GALNT17: variants seen among roughly 807,000 people sequenced by gnomAD.
The protein encoded by GALNT17 is UDP-GalNAc:polypeptide N-acetylgalactosaminyltransferase-like 3.
In GALNT17, 29 loss-of-function variants were observed where a neutral mutation model predicts 63.7. The observed-to-expected ratio is 0.46, with a 90% CI of 0.34 to 0.62. The LOEUF (loss-of-function observed/expected upper bound fraction) is 0.62, where lower values mean the gene tolerates loss of function less well. GALNT17 is among the 20% of genes least tolerant of loss of function. The pLI is 0.01. For missense variants in GALNT17, 603 were observed against 799.6 expected (o/e 0.75, Z 2.97); for synonymous variants, 305 against 318.3 (o/e 0.96, Z 0.45).
chr7:71,553,715 T>G (rs1174414872), intron 5 of GALNT17, among the ~76,000 whole-genome samples: 1 of 152,228 alleles, frequency 6.6e-6, no homozygotes, highest in East Asian at 1.9e-4. Context: ...TCTCCAGCCC[T>G]CGTGTTCACT....
Position 71,377,107 on chromosome 7 carries a change from T to TAAA in GALNT17, c.423-11122_423-11120dup, listed in dbSNP as rs1237223835. Reference sequence around the variant, plus strand: ...TCTCAAAAAAAAAAAAAAATAAAAATAAAAAAAATATATATATATATATAT... The same window carrying TAAA: ...TCTCAAAAAAAAAAAAAAATAAAAATAAAAAAAAAAATATATATATATATATAT... On this transcript the variant is annotated intron_variant, in intron 2 of 10. Transcript: ENST00000333538. 1.7e-4 allele frequency among the ~76,000 whole-genome samples: 10 copies of TAAA among 57,750 alleles called. 2 individuals are homozygous for TAAA. Among genetic ancestry groups the TAAA allele is most frequent in the South Asian group, 1.2e-3 (2 of 1,640 alleles). The allele number at this position is 57,750 out of a possible 152,430, so 37.9% of individuals were successfully genotyped here.
intron 6 of GALNT17, among the ~76,000 whole-genome samples, chr7:71,614,317 A>C (rs1790166493): frequency 6.6e-6 from 1 of 151,558 alleles, no homozygotes; most frequent in Non-Finnish European, 1.5e-5. Flanking sequence ...TGCTCTTTGG[A>C]ACATTTTGGA....
At chr7:71,264,085 C>T (rs1483456642) in intron 1 of GALNT17, among the ~76,000 whole-genome samples, 3 of 152,148 alleles carry the variant, frequency 2.0e-5, no homozygotes, top group African/African-American at 4.8e-5. Context: ...CTGGAGGTGG[C>T]TCTCAGCAGG....
intron 3 of GALNT17, among the ~76,000 whole-genome samples, chr7:71,404,138 G>A (rs1015265491): frequency 3.3e-5 from 5 of 152,146 alleles, no homozygotes; most frequent in Admixed American, 3.3e-4. Flanking sequence ...TTTCCTTGTA[G>A]GTTTGGGCTA....
At chr7:71,357,459 C>G (rs1232817509) in intron 2 of GALNT17, among the ~76,000 whole-genome samples, 1 of 152,114 alleles carries the variant, frequency 6.6e-6, no homozygotes, top group Non-Finnish European at 1.5e-5. Flanking sequence ...TGAAACTGGC[C>G]CCTGGTCTCA....
chr7:71,541,424 G>A (rs1189668009), intron 5 of GALNT17, among the ~76,000 whole-genome samples: 1 of 150,990 alleles, frequency 6.6e-6, no homozygotes, highest in African/African-American at 2.4e-5. Context: ...ATAGCAGCAG[G>A]CACCTGTAAT....
intron 10 of GALNT17, among the ~76,000 whole-genome samples, chr7:71,711,608 CCT>C (rs1791793123): frequency 1.3e-5 from 2 of 150,630 alleles, no homozygotes; most frequent in Non-Finnish European, 3.0e-5. Flanking sequence ...TCCTCTATCT[CCT>C]GTCTTCTCTC....
intron 5 of GALNT17, among the ~76,000 whole-genome samples, chr7:71,465,923 T>A (rs1787527661): frequency 6.6e-6 from 1 of 152,178 alleles, no homozygotes. Flanking sequence ...AAGTCTCACA[T>A]GGTAGCAGCC....
chr7:71,154,721 C>T (rs1309605640), intron 1 of GALNT17, among the ~76,000 whole-genome samples: 12 of 152,138 alleles, frequency 7.9e-5, no homozygotes, highest in Non-Finnish European at 1.2e-4. Context: ...GGACTACAGG[C>T]GCCCGCCACC....
intron 5 of GALNT17, among the ~76,000 whole-genome samples, chr7:71,491,379 G>A (rs573819540): frequency 2.0e-5 from 3 of 152,130 alleles, no homozygotes; most frequent in Non-Finnish European, 4.4e-5. Context: ...AAGCAGGCAC[G>A]ACGCCTTCTC....
intron 6 of GALNT17, among the ~76,000 whole-genome samples, chr7:71,639,384 A>G (rs1790573031): frequency 6.6e-6 from 1 of 152,210 alleles, no homozygotes; most frequent in African/African-American, 2.4e-5. Flanking sequence ...AAATGTAACC[A>G]TCTGTGGAGG....
At chr7:71,293,765 C>T (rs1187275256) in intron 1 of GALNT17, among the ~76,000 whole-genome samples, 1 of 152,170 alleles carries the variant, frequency 6.6e-6, no homozygotes, top group Non-Finnish European at 1.5e-5. Flanking sequence ...TATTACTTCA[C>T]TGTCCCCAAG....
chr7:71,591,322 CT>C (rs1475604115), intron 6 of GALNT17, among the ~76,000 whole-genome samples: 1 of 152,194 alleles, frequency 6.6e-6, no homozygotes, highest in Admixed American at 6.5e-5. Context: ...TCCCAGAGTG[CT>C]GGGATTACAG....
chr7:71,223,555 A>T (rs571450339), intron 1 of GALNT17, among the ~76,000 whole-genome samples: 100 of 151,454 alleles, frequency 6.6e-4, no homozygotes, highest in Middle Eastern at 3.4e-3. Context: ...TTTCTTTTTT[A>T]AAAAAACTTT....
chr7:71,653,008 TTG>T (rs367877029), intron 6 of GALNT17, among the ~76,000 whole-genome samples: 56 of 4,948 alleles, frequency 0.011, no homozygotes, highest in Admixed American at 0.015. Flanking sequence ...GTTTGTTTGT[TTG>T]TGTTTGTTTT....
intron 6 of GALNT17, among the ~76,000 whole-genome samples, chr7:71,595,573 T>C (rs572422720): frequency 6.6e-6 from 1 of 152,014 alleles, no homozygotes; most frequent in Non-Finnish European, 1.5e-5. Flanking sequence ...GTTCCTCTCC[T>C]GGTCTTCCCA....
chr7:71,281,991 A>G (rs1317659114), intron 1 of GALNT17, among the ~76,000 whole-genome samples: 3 of 152,098 alleles, frequency 2.0e-5, no homozygotes, highest in Admixed American at 1.3e-4. Context: ...GGTTGCTTCT[A>G]TGTGTTAACT....
intron 1 of GALNT17, among the ~76,000 whole-genome samples, chr7:71,257,846 G>A (rs1044500492): frequency 5.3e-5 from 8 of 152,172 alleles, no homozygotes; most frequent in African/African-American, 9.7e-5. Flanking sequence ...GTGGGTAACC[G>A]TTCTGTGCAT....
chr7:71,330,983 G>A (rs1430823669), intron 1 of GALNT17, among the ~76,000 whole-genome samples: 1 of 152,222 alleles, frequency 6.6e-6, no homozygotes, highest in East Asian at 1.9e-4. Context: ...AGTGAGGTTT[G>A]TATCTCAGGC....
Sources: allele counts gnomAD v4.1 joint callset (sites outside exome capture counted in the v4.1 genomes callset), GRCh38; gene constraint gnomAD v4.1.1; transcripts MANE v1.5; gene names NCBI Gene and HGNC (gene_info 2026-07-23, HGNC 2026-07-21).